Variants in MEGF6 observed in about 807,000 individuals in gnomAD.
MEGF6 encodes the protein multiple epidermal growth factor-like domains protein 6.
A neutral mutation model predicts 207.1 loss-of-function variants in MEGF6; 184 were observed. The observed-to-expected ratio is 0.89, with a 90% CI of 0.79 to 1.00. The LOEUF (loss-of-function observed/expected upper bound fraction) is 1.00, where lower values mean the gene tolerates loss of function less well. Ranked by LOEUF, MEGF6 falls within the 50% of genes least tolerant of loss-of-function variation. MEGF6 has a pLI of 0.00. For missense variants in MEGF6, 2,282 were observed against 2,202.9 expected (o/e 1.04, Z -0.72); for synonymous variants, 1,038 against 910.0 (o/e 1.14, Z -2.53).
rs772283387 is a variant in MEGF6, at chr1:3,506,211, C to T, written c.1815G>A (p.Lys605=). 3.1e-6 allele frequency: 5 copies of T among 1,608,092 alleles called. No homozygotes were observed. In the Admixed American group the frequency reaches 8.4e-5, roughly 27 times the overall value. Reference sequence around the variant, plus strand: ...CACAGTTGCATTTCTTGCGACAGTGCTTGCCATAGTAGCCCTTGGGGCAGC... The same window carrying T: ...CACAGTTGCATTTCTTGCGACAGTGTTTGCCATAGTAGCCCTTGGGGCAGC... ...EDGCPKGYYG[K]HCRKKCNCAN... The change falls in exon 15 of 37, where the codon AAG becomes AAA. Residue 605 remains lysine (K), a synonymous_variant. Coordinates refer to ENST00000356575, the MANE Select transcript of MEGF6 (RefSeq NM_001409.4).
intron 4 of MEGF6, among the ~76,000 whole-genome samples, chr1:3,575,633 T>C (rs1406695510): frequency 7.5e-6 from 1 of 132,574 alleles, no homozygotes; most frequent in Non-Finnish European, 1.6e-5. Flanking sequence ...GCAAGTCACA[T>C]CTTACATGGA....
chr1:3,618,236 C>T, the MEGF6 span, among the ~76,000 whole-genome samples: 30 of 152,316 alleles, frequency 2.0e-4, no homozygotes, highest in Middle Eastern at 6.8e-3. This position sits in a 1 kb window ranked among gnomAD's most constrained non-coding sequence, Gnocchi z 4.7. Flanking sequence ...CCGCACCCTG[C>T]CTGCCACGCT....
intron 1 of MEGF6, among the ~76,000 whole-genome samples, 163 bp from the exon 2 acceptor site, chr1:3,602,763 G>A (rs987372146): frequency 4.6e-5 from 7 of 152,180 alleles, no homozygotes; most frequent in Admixed American, 1.3e-4. Context: ...CAGGCCAGCC[G>A]TGGGACCCAG....
chr1:3,593,224 C>T (rs1042074856), intron 3 of MEGF6, among the ~76,000 whole-genome samples: 3 of 152,238 alleles, frequency 2.0e-5, no homozygotes, highest in South Asian at 2.1e-4. Context: ...ATCCCCACAG[C>T]GGGGAGCGGC....
intron 21 of MEGF6, among the ~76,000 whole-genome samples, chr1:3,500,410 G>A (rs745738811): frequency 2.0e-5 from 3 of 152,276 alleles, no homozygotes; most frequent in South Asian, 2.1e-4. Flanking sequence ...GGAAAGCTCA[G>A]GAAAGGCAGA....
chr1:3,573,763 G>A lies in MEGF6; in HGVS notation c.481+6062C>T, dbSNP rs1322231341. ...GCAGCTCCCAGGCCTGGCCGTGGCT[G>A]GTCGCCAAGAGCAGCCCTGGGTGGC... On this transcript the variant is annotated intron_variant, in intron 4 of 36. Coordinates refer to ENST00000356575, the MANE Select transcript of MEGF6 (RefSeq NM_001409.4). The surrounding 1 kb of genome is among the most constrained non-coding windows in gnomAD (Gnocchi z 5.1). 6.6e-6 allele frequency among the ~76,000 whole-genome samples: 1 copy of A among 152,210 alleles called. No individual in the cohort carries two copies. The highest frequency in any genetic ancestry group is 2.4e-5 in the African/African-American group (1 of 41,456).
the MEGF6 span, among the ~76,000 whole-genome samples, chr1:3,616,591 C>T: frequency 4.6e-5 from 7 of 151,750 alleles, no homozygotes; most frequent in South Asian, 4.2e-4. Context: ...GGGTGAGAGA[C>T]GGGGTGGGAG....
intron 4 of MEGF6, among the ~76,000 whole-genome samples, chr1:3,569,438 A>C (rs1457204033): frequency 2.6e-5 from 4 of 152,222 alleles, no homozygotes; most frequent in African/African-American, 4.8e-5. Flanking sequence ...GCACAGCCCC[A>C]CACCCGGATG....
intron 4 of MEGF6, among the ~76,000 whole-genome samples, chr1:3,530,530 G>A (rs1465354382): frequency 6.6e-6 from 1 of 152,160 alleles, no homozygotes; most frequent in African/African-American, 2.4e-5. Context: ...TAGTGCAGGC[G>A]CCAGATCCCA....
intron 4 of MEGF6, among the ~76,000 whole-genome samples, chr1:3,558,046 G>A (rs1357275019): frequency 3.3e-5 from 5 of 152,200 alleles, no homozygotes; most frequent in Non-Finnish European, 7.3e-5. Context: ...GCTCCGTGCA[G>A]TGGTTCAGCC....
intron 5 of MEGF6, among the ~76,000 whole-genome samples, chr1:3,523,372 G>GC (rs972317207): frequency 5.3e-5 from 8 of 152,136 alleles, no homozygotes; most frequent in Admixed American, 5.2e-4. Flanking sequence ...CTGGGCTCCA[G>GC]CCCCCTGCTC....
chr1:3,566,901 T>G (rs1643357304), intron 4 of MEGF6, among the ~76,000 whole-genome samples: 1 of 152,176 alleles, frequency 6.6e-6, no homozygotes, highest in South Asian at 2.1e-4. Flanking sequence ...CTAGACTGAG[T>G]GCATCCTGGG....
At chr1:3,503,976 A>AGAGCTG (rs1380600993) in intron 17 of MEGF6, among the ~76,000 whole-genome samples, 4 of 152,118 alleles carry the variant, frequency 2.6e-5, no homozygotes, top group Non-Finnish European at 5.9e-5. Context: ...GGGTGGCCTA[A>AGAGCTG]GAGCTGGCTA....
intron 4 of MEGF6, among the ~76,000 whole-genome samples, chr1:3,555,824 C>A (rs1643016597): frequency 6.6e-6 from 1 of 152,240 alleles, no homozygotes; most frequent in Non-Finnish European, 1.5e-5. Context: ...CCCCTGCCCC[C>A]AACCAAGGAA....
chr1:3,519,165 C>T (rs1169788667), intron 5 of MEGF6, among the ~76,000 whole-genome samples: 1 of 152,226 alleles, frequency 6.6e-6, no homozygotes, highest in Non-Finnish European at 1.5e-5. Context: ...AAGGCCCCCA[C>T]CCCTGGCCAG....
intron 2 of MEGF6, among the ~76,000 whole-genome samples, chr1:3,597,329 G>A (rs570014984): frequency 2.0e-3 from 311 of 152,108 alleles, no homozygotes; most frequent in African/African-American, 7.0e-3. Flanking sequence ...CCGCCCTGAC[G>A]CCTGGGTCCT....
At chr1:3,523,254 G>C (rs1326563060) in intron 5 of MEGF6, among the ~76,000 whole-genome samples, 1 of 152,176 alleles carries the variant, frequency 6.6e-6, no homozygotes, top group Non-Finnish European at 1.5e-5. Flanking sequence ...ACCAGCAAGA[G>C]GGTCAGTCCC....
intron 3 of MEGF6, among the ~76,000 whole-genome samples, chr1:3,592,662 T>C (rs1296297921): frequency 6.6e-6 from 1 of 151,858 alleles, no homozygotes; most frequent in East Asian, 1.9e-4. Context: ...CCTCCCACCC[T>C]TGGGGCTCAG....
In MEGF6 at chr1:3,492,706, A is replaced by C. The variant is rs769491767; in HGVS notation, c.4449T>G (p.Ala1483=). Reference sequence around the variant, plus strand: ...ACTGCCCACTGACAGGGTCGCAGTCAGCCCCACCCCCGCAGTCACAGTGCA... The same window carrying C: ...ACTGCCCACTGACAGGGTCGCAGTCCGCCCCACCCCCGCAGTCACAGTGCA... The part of the protein sequence containing the change: ...CTLHCDCGGG[A]DCDPVSGQCH... Residue 1483 remains alanine (A), a synonymous_variant, in exon 35 of 37, where the codon GCT becomes GCG. Coordinates refer to ENST00000356575, the MANE Select transcript of MEGF6 (RefSeq NM_001409.4). 7 of 1,612,532 alleles carry C rather than the reference A, an allele frequency of 4.3e-6. No homozygotes were observed. The highest frequency in any genetic ancestry group is 5.9e-6 in the Non-Finnish European group (7 of 1,179,866).
Sources: allele counts gnomAD v4.1 joint callset (sites outside exome capture counted in the v4.1 genomes callset), GRCh38; gene constraint gnomAD v4.1.1; non-coding constraint Gnocchi (gnomAD v3.1); transcripts MANE v1.5; gene names NCBI Gene and HGNC (gene_info 2026-07-23, HGNC 2026-07-21).